Variants in CDC14B observed in about 807,000 individuals in gnomAD.
CDC14B encodes cell division cycle 14B, also known as dual specificity protein phosphatase CDC14B.
CDC14B carries 22 observed loss-of-function variants against 64.2 expected under a neutral mutation model. That is an observed-to-expected ratio of 0.34 (90% CI 0.24 to 0.49). CDC14B has a LOEUF of 0.49. Among genes scored for constraint, CDC14B ranks in the 20% least tolerant of loss-of-function variants. The probability of loss-of-function intolerance (pLI) is 0.99; values close to 1 mark genes in which losing one functional copy is unlikely to be tolerated. For synonymous variants in CDC14B, 191 were observed against 215.8 expected, an observed-to-expected ratio of 0.89 and a Z score of 1.01; for missense variants, 498 against 629.9, an observed-to-expected ratio of 0.79 and a Z score of 2.24.
At chr9:96,600,074 A>G (rs1305707037) in intron 1 of CDC14B, among the ~76,000 whole-genome samples, 3 of 152,008 alleles carry the variant, frequency 2.0e-5, no homozygotes, top group Non-Finnish European at 1.5e-5. Context: ...TTTTATTCCA[A>G]AATAAAAAGG....
intron 10 of CDC14B, 59 bp downstream of exon 10, chr9:96,523,528 C>T: frequency 1.2e-6 from 2 of 1,607,654 alleles, no homozygotes; most frequent in Non-Finnish European, 8.5e-7. Context: ...AATTCCACTC[C>T]CCATCAGATT....
At chr9:96,558,527 T>C (rs1277461517) in intron 4 of CDC14B, among the ~76,000 whole-genome samples, 1 of 152,246 alleles carries the variant, frequency 6.6e-6, no homozygotes, top group Non-Finnish European at 1.5e-5. Context: ...GTCTTGTTTC[T>C]AGAAATATAA....
chr9:96,494,343 C>G (rs1833162745), intron 13 of CDC14B, among the ~76,000 whole-genome samples: 1 of 152,254 alleles, frequency 6.6e-6, no homozygotes, highest in South Asian at 2.1e-4. Flanking sequence ...CCTCTGTGCT[C>G]AGCCACTCTG....
chr9:96,603,791 TAAAG>T (rs1846668479), intron 1 of CDC14B, among the ~76,000 whole-genome samples: 2 of 151,976 alleles, frequency 1.3e-5, no homozygotes, highest in Admixed American at 6.6e-5. Flanking sequence ...AAGATTTTAA[TAAAG>T]AGAGGAAAGC....
chr9:96,582,363 C>A (rs1309422678), intron 1 of CDC14B, among the ~76,000 whole-genome samples: 1 of 152,230 alleles, frequency 6.6e-6, no homozygotes, highest in East Asian at 1.9e-4. Flanking sequence ...CTGGTCCAAG[C>A]AAGCATTAGG....
chr9:96,590,588 T>C (rs1845726640), intron 1 of CDC14B, among the ~76,000 whole-genome samples: 1 of 152,156 alleles, frequency 6.6e-6, no homozygotes, highest in South Asian at 2.1e-4. Flanking sequence ...GCATTTTACA[T>C]TCCCACCAAA....
intron 4 of CDC14B, among the ~76,000 whole-genome samples, chr9:96,561,162 C>G (rs764103552): frequency 6.6e-6 from 1 of 152,124 alleles, no homozygotes; most frequent in Non-Finnish European, 1.5e-5. Context: ...GTCTCGTACA[C>G]CTGACCTCAA....
At chr9:96,572,297 C>G (rs1316936693) in intron 1 of CDC14B, among the ~76,000 whole-genome samples, 1 of 152,164 alleles carries the variant, frequency 6.6e-6, no homozygotes, top group Non-Finnish European at 1.5e-5. Flanking sequence ...ACCGGGAACC[C>G]CAACTTGAAG....
chr9:96,551,111 C>CTGCTTTTTTTTTTTTTT (rs1841745578), intron 5 of CDC14B, among the ~76,000 whole-genome samples: 1 of 93,296 alleles, frequency 1.1e-5, no homozygotes, highest in Non-Finnish European at 2.0e-5. Context: ...TTGGGGTTTG[C>CTGCTTTTTTTTTTTTTT]TTTTTTTTTT....
chr9:96,518,535 C>T (rs1325670766), intron 12 of CDC14B, among the ~76,000 whole-genome samples: 3 of 151,884 alleles, frequency 2.0e-5, no homozygotes, highest in Admixed American at 6.6e-5. Context: ...AAATTACATG[C>T]CAGGCATCCT....
intron 1 of CDC14B, among the ~76,000 whole-genome samples, chr9:96,597,822 A>G (rs1362891250): frequency 2.0e-5 from 3 of 152,226 alleles, no homozygotes; most frequent in Non-Finnish European, 2.9e-5. Flanking sequence ...AGTTGCTTTA[A>G]AAGATGATTA....
chr9:96,572,289 C>T lies in CDC14B; in HGVS notation c.161-6806G>A, dbSNP rs112294774. ...TTAATTGAACCCAAACAGGGGATAC[C>T]GGGAACCCCAACTTGAAGCCAGTCA... On this transcript the variant is annotated intron_variant, in intron 1 of 13. Transcript: ENST00000375241. Among the ~76,000 whole-genome samples the T allele has an allele frequency of 7.5e-3, 1,146 of 152,268 alleles. 22 individuals are homozygous for T. Among genetic ancestry groups the T allele is most frequent in the African/African-American group, 0.026 (1,069 of 41,546 alleles).
intron 5 of CDC14B, 91 bp downstream of exon 5, chr9:96,551,705 T>G (rs1206637372): frequency 5.9e-6 from 9 of 1,534,896 alleles, no homozygotes; most frequent in African/African-American, 5.5e-5. Flanking sequence ...AAATGACTAT[T>G]TACCAGATCT....
At chr9:96,619,165 C>T (rs1052449227) in intron 1 of CDC14B, 54 bp downstream of exon 1, 282 of 1,212,808 alleles carry the variant, frequency 2.3e-4, no homozygotes, top group Non-Finnish European at 2.8e-4. Context: ...GGGCCAGGGC[C>T]CCGCGCCGGG....
At chr9:96,567,035 G>T in intron 1 of CDC14B, 1 of 1,293,078 alleles carries the variant, frequency 7.7e-7, no homozygotes, top group Non-Finnish European at 1.0e-6. Flanking sequence ...CGACGAGGCC[G>T]TGGGGACGGA....
At chr9:96,569,381 G>C (rs1844342523) in intron 1 of CDC14B, among the ~76,000 whole-genome samples, 1 of 152,072 alleles carries the variant, frequency 6.6e-6, no homozygotes, top group Non-Finnish European at 1.5e-5. Context: ...AAACCCAATT[G>C]AAACTAGAAA....
At chr9:96,543,393 C>CG (rs1564293408) in intron 5 of CDC14B, among the ~76,000 whole-genome samples, 2 of 151,864 alleles carry the variant, frequency 1.3e-5, no homozygotes, top group African/African-American at 4.8e-5. Context: ...TTTGGCCTCC[C>CG]GAAGTGTTGA....
chr9:96,594,867 C>T (rs1845983787), intron 1 of CDC14B, among the ~76,000 whole-genome samples: 1 of 151,922 alleles, frequency 6.6e-6, no homozygotes, highest in Non-Finnish European at 1.5e-5. Context: ...AATAATTAGC[C>T]CTTGGCTGGG....
At chr9:96,574,423 C>T (rs887826479) in intron 1 of CDC14B, among the ~76,000 whole-genome samples, 2 of 151,302 alleles carry the variant, frequency 1.3e-5, no homozygotes, top group African/African-American at 4.9e-5. Flanking sequence ...CCACTACACA[C>T]CAAAGACAAA....
Sources: gnomAD v4.1 joint callset for allele counts (sites outside exome capture counted in the v4.1 genomes callset) on GRCh38, gnomAD v4.1.1 for gene constraint, MANE v1.5 for transcripts, NCBI Gene and HGNC (gene_info 2026-07-23, HGNC 2026-07-21) for gene names.